The following CEP89 variants were observed in gnomAD, a reference collection of about 807,000 sequenced individuals.
CEP89 encodes centrosomal protein of 89 kDa.
A neutral mutation model predicts 97.6 loss-of-function variants in CEP89; 95 were observed. That is an observed-to-expected ratio of 0.97 (90% CI 0.82 to 1.15). The LOEUF is 1.15. Ranked by LOEUF, CEP89 falls within the 50% of genes most tolerant of loss-of-function variation. CEP89 has a pLI of 0.00. For synonymous variants in CEP89, 354 were observed against 349.1 expected, an observed-to-expected ratio of 1.01 and a Z score of -0.16; for missense variants, 869 against 947.7, an observed-to-expected ratio of 0.92 and a Z score of 1.09.
chr19:32,897,558 A>G (rs1382970890), intron 16 of CEP89, among the ~76,000 whole-genome samples: 1 of 152,172 alleles, frequency 6.6e-6, no homozygotes, highest in African/African-American at 2.4e-5. Flanking sequence ...TAATACATTT[A>G]GAGGGTCCTG....
intron 16 of CEP89, among the ~76,000 whole-genome samples, chr19:32,891,352 CAA>C (rs202233564): frequency 1.6e-4 from 24 of 151,450 alleles, no homozygotes; most frequent in Non-Finnish European, 2.2e-4. Flanking sequence ...GGCACACACA[CAA>C]ACACACACAC....
At chr19:32,926,642 A>T (rs1490256739) in intron 10 of CEP89, among the ~76,000 whole-genome samples, 1 of 152,186 alleles carries the variant, frequency 6.6e-6, no homozygotes, top group East Asian at 1.9e-4. Context: ...GCTCACTGCA[A>T]CCTAAACCTC....
intron 16 of CEP89, among the ~76,000 whole-genome samples, chr19:32,891,564 G>T (rs1969518034): frequency 1.3e-5 from 2 of 151,982 alleles, no homozygotes; most frequent in African/African-American, 4.8e-5. Flanking sequence ...TAAAAATAAT[G>T]ATATTAAAGA....
At chr19:32,968,978 C>T (rs1351653190) in intron 1 of CEP89, 1 of 152,164 alleles carries the variant, frequency 6.6e-6, no homozygotes, top group Admixed American at 6.5e-5. Context: ...TCTCTGGAGA[C>T]AGATTGTCCC....
At chr19:32,901,561 C>T in intron 14 of CEP89, 149 bp from the exon 15 acceptor site, 1 of 759,126 alleles carries the variant, frequency 1.3e-6, no homozygotes, top group Non-Finnish European at 2.1e-6. Flanking sequence ...ATCTCCCCAT[C>T]CTGGGCCCTA....
chr19:32,902,010 C>CTCTCTGTG (rs1207481256), intron 14 of CEP89, among the ~76,000 whole-genome samples: 1,399 of 133,792 alleles, frequency 0.01, 11 homozygotes, highest in Non-Finnish European at 0.013. Context: ...CTCTCTCTCT[C>CTCTCTGTG]TGTGTGTGTG....
rs1009739975 is a variant in CEP89 at position 32,879,382 on chromosome 19, A to T, written c.2136-4T>A. The T allele has an allele frequency of 3.1e-6, 5 of 1,611,018 alleles. No homozygotes were observed. In the African/African-American group the frequency reaches 5.3e-5, roughly 17 times the overall value. ...TTCAAGTTCACCTTCCATTTCTCTG[A>T]GGGAAATAAGTTTAAAATGGCACAA... On this transcript the variant is annotated splice_polypyrimidine_tract_variant and splice_region_variant and intron_variant, in intron 18 of 18. Transcript: ENST00000305768.
At chr19:32,902,010 C>CTCTGTGTGTG (rs1207481256) in intron 14 of CEP89, among the ~76,000 whole-genome samples, 8,073 of 133,692 alleles carry the variant, frequency 0.06, 340 homozygotes, top group African/African-American at 0.1. Flanking sequence ...CTCTCTCTCT[C>CTCTGTGTGTG]TGTGTGTGTG....
intron 2 of CEP89, among the ~76,000 whole-genome samples, chr19:32,961,414 CA>C (rs5827831): frequency 1.8e-3 from 237 of 133,878 alleles, no homozygotes; most frequent in Middle Eastern, 3.8e-3. Context: ...ACCAAAAATA[CA>C]AAAAAAAAAA....
chr19:32,927,005 G>A, intron 9 of CEP89, 21 bp from the exon 10 acceptor site: 1 of 1,605,086 alleles, frequency 6.2e-7, no homozygotes, highest in Non-Finnish European at 8.5e-7. Context: ...AACATGTATT[G>A]AAGACAAGTT....
At chr19:32,887,900 A>G (rs1599710306) in intron 16 of CEP89, 59 bp from the exon 17 acceptor site, 2 of 1,013,684 alleles carry the variant, frequency 2.0e-6, no homozygotes, top group African/African-American at 3.2e-5. Flanking sequence ...AATAACAAAC[A>G]ATTATTTTGC....
At chr19:32,882,130 C>A (rs1969297164) in intron 17 of CEP89, 117 bp from the exon 18 acceptor site, 1 of 828,450 alleles carries the variant, frequency 1.2e-6, no homozygotes, top group Non-Finnish European at 1.8e-6. Flanking sequence ...AATCTAGCAA[C>A]CCCGGATAAG....
intron 2 of CEP89, 164 bp downstream of exon 2, chr19:32,966,196 A>G (rs911355936): frequency 4.8e-6 from 2 of 412,920 alleles, no homozygotes; most frequent in Non-Finnish European, 8.6e-6. Flanking sequence ...ATCCTCAGAG[A>G]CACCATATTA....
At chr19:32,941,753 C>T (rs1970691144) in intron 5 of CEP89, among the ~76,000 whole-genome samples, 1 of 152,100 alleles carries the variant, frequency 6.6e-6, no homozygotes, top group African/African-American at 2.4e-5. Flanking sequence ...TGAGAGACAA[C>T]CACCTCTACT....
intron 12 of CEP89, among the ~76,000 whole-genome samples, chr19:32,921,510 C>G (rs1001495105): frequency 6.6e-6 from 1 of 152,250 alleles, no homozygotes; most frequent in Admixed American, 6.5e-5. Context: ...CAAATCCCAA[C>G]AAATGCAGGA....
intron 6 of CEP89, among the ~76,000 whole-genome samples, chr19:32,938,517 T>C (rs1970622591): frequency 6.6e-6 from 1 of 152,236 alleles, no homozygotes; most frequent in African/African-American, 2.4e-5. Context: ...GATATTAAGT[T>C]TCTAATTTCT....
At chr19:32,937,551 T>A (rs1402178573) in intron 7 of CEP89, 80 bp downstream of exon 7, 7 of 1,136,252 alleles carry the variant, frequency 6.2e-6, no homozygotes, top group South Asian at 5.2e-5. Context: ...GAAAATGTAA[T>A]CTTTATTTTC....
chr19:32,961,668 C>T (rs193113802), intron 2 of CEP89, among the ~76,000 whole-genome samples: 74 of 150,634 alleles, frequency 4.9e-4, no homozygotes, highest in Admixed American at 8.6e-4. Context: ...TTTTTTGAGA[C>T]GATCTCACTC....
chr19:32,888,591 G>A (rs1454738462), intron 16 of CEP89, among the ~76,000 whole-genome samples: 2 of 151,626 alleles, frequency 1.3e-5, no homozygotes, highest in African/African-American at 2.4e-5. Context: ...GCTGAGGCAC[G>A]AGAATGGCTT....
Sources: gnomAD v4.1 joint callset for allele counts (sites outside exome capture counted in the v4.1 genomes callset) on GRCh38, gnomAD v4.1.1 for gene constraint, MANE v1.5 for transcripts, NCBI Gene and HGNC (gene_info 2026-07-23, HGNC 2026-07-21) for gene names.